LINGO2: variants seen among roughly 807,000 people sequenced by gnomAD.
LINGO2 encodes leucine-rich repeat and immunoglobulin-like domain-containing nogo receptor-interacting protein 2.
LINGO2 carries 14 observed loss-of-function variants against 30.6 expected under a neutral mutation model. The observed-to-expected ratio is 0.46, with a 90% CI of 0.30 to 0.72. The LOEUF is 0.72. Ranked by LOEUF, LINGO2 falls within the 30% of genes least tolerant of loss-of-function variation. The pLI is 0.07. For synonymous variants in LINGO2, 317 were observed against 288.5 expected, an observed-to-expected ratio of 1.10 and a Z score of -1.00; for missense variants, 729 against 751.7, an observed-to-expected ratio of 0.97 and a Z score of 0.35.
At chr9:28,579,876 A>T (rs1217269316) in intron 1 of LINGO2, among the ~76,000 whole-genome samples, 2 of 152,124 alleles carry the variant, frequency 1.3e-5, no homozygotes, top group African/African-American at 4.8e-5. Flanking sequence ...TCCTGTCAAG[A>T]ATCAATCAGT....
At chr9:28,932,152 T>TAAAATAAAATAAAATAAAAG in the LINGO2 span, among the ~76,000 whole-genome samples, 1 of 124,618 alleles carries the variant, frequency 8.0e-6, no homozygotes, top group Non-Finnish European at 1.7e-5. Context: ...TAAAATAAAA[T>TAAAATAAAATAAAATAAAAG]GAAAGGCAGT....
intron 2 of LINGO2, among the ~76,000 whole-genome samples, chr9:28,424,750 T>C (rs1391784057): frequency 1.3e-5 from 2 of 152,150 alleles, no homozygotes; most frequent in Non-Finnish European, 2.9e-5. Context: ...TTTTATACTC[T>C]GTTTAGCCAG....
intron 2 of LINGO2, among the ~76,000 whole-genome samples, chr9:28,429,834 C>G (rs1767997496): frequency 6.6e-6 from 1 of 151,800 alleles, no homozygotes; most frequent in African/African-American, 2.4e-5. Context: ...AATTGAGAAG[C>G]AGGAAAAAAG....
chr9:29,097,115 T>C, the LINGO2 span, among the ~76,000 whole-genome samples: 1 of 138,794 alleles, frequency 7.2e-6, no homozygotes, highest in East Asian at 2.5e-4. Flanking sequence ...AAAATATGTA[T>C]TTAATAAGAA....
At chr9:28,264,585 G>A (rs1336097280) in intron 4 of LINGO2, among the ~76,000 whole-genome samples, 2 of 151,762 alleles carry the variant, frequency 1.3e-5, no homozygotes, top group African/African-American at 2.4e-5. Flanking sequence ...ACCACTTCCC[G>A]AATCATCTCA....
chr9:28,340,259 T>A (rs570299116), intron 3 of LINGO2, among the ~76,000 whole-genome samples: 6 of 152,296 alleles, frequency 3.9e-5, no homozygotes, highest in Admixed American at 2.0e-4. Context: ...AGTATGAAGA[T>A]TATATTAGAT....
chr9:28,237,116 G>GT (rs1821596481), intron 4 of LINGO2, among the ~76,000 whole-genome samples: 1 of 58,202 alleles, frequency 1.7e-5, no homozygotes, highest in African/African-American at 6.3e-5. Flanking sequence ...GTTAAACAGT[G>GT]CGGGGGGGGG....
chr9:27,989,738 C>T (rs1821303507), intron 5 of LINGO2, among the ~76,000 whole-genome samples: 1 of 151,992 alleles, frequency 6.6e-6, no homozygotes, highest in African/African-American at 2.4e-5. Flanking sequence ...CCATTTAGTT[C>T]TCACCCCAAC....
intron 4 of LINGO2, among the ~76,000 whole-genome samples, chr9:28,186,468 C>A (rs1235040850): frequency 6.6e-6 from 1 of 152,098 alleles, no homozygotes; most frequent in African/African-American, 2.4e-5. Flanking sequence ...GCAAAGATCT[C>A]TGTTTTCACA....
At position 28,542,896 on chromosome 9, in the gene LINGO2, C is replaced by T. The variant is rs1398135542; in HGVS notation, c.-364-66871G>A. 2.6e-5 allele frequency among the ~76,000 whole-genome samples: 4 copies of T among 151,932 alleles called. No individual in the cohort carries two copies. The East Asian group carries it at 5.8e-4, about 22-fold the overall frequency. The stretch of plus-strand genomic sequence containing the variant: ...AGTAAACTCTGTTACATGCCACACT[C>T]CCGTAATTCAGGGTCTGAAAGAAGA... On this transcript the variant is annotated intron_variant, in intron 1 of 5. Transcript: ENST00000379992.
the LINGO2 span, among the ~76,000 whole-genome samples, chr9:29,006,185 A>C: frequency 5.3e-5 from 8 of 151,820 alleles, no homozygotes; most frequent in African/African-American, 1.9e-4. Context: ...AATTACACAC[A>C]AACATATAAA....
chr9:29,080,982 A>T, the LINGO2 span, among the ~76,000 whole-genome samples: 1 of 152,112 alleles, frequency 6.6e-6, no homozygotes, highest in East Asian at 1.9e-4. Flanking sequence ...TGCTCAGCCA[A>T]ATTCTACCAG....
At chr9:28,461,651 T>C (rs1046792815) in intron 2 of LINGO2, among the ~76,000 whole-genome samples, 1 of 152,272 alleles carries the variant, frequency 6.6e-6, no homozygotes, top group Admixed American at 6.5e-5. Context: ...CTTAGCACAG[T>C]CTGTGAATCA....
In LINGO2 at chr9:28,313,128, TACAG is replaced by T. The variant is rs144969643; in HGVS notation, c.-245-17766_-245-17763del. On this transcript the variant is annotated intron_variant, in intron 3 of 5. Transcript: ENST00000379992. ...GTTTAATCACTCATTTCCTATATCG[TACAG>T]ACAGTTTTGTAACGAGACTACATAA... 0.016 allele frequency among the ~76,000 whole-genome samples: 2,382 copies of T among 152,192 alleles called. 134 individuals are homozygous for T. In the East Asian group the frequency reaches 0.18, roughly 12 times the overall value.
the LINGO2 span, among the ~76,000 whole-genome samples, chr9:28,952,129 C>G: frequency 6.6e-6 from 1 of 152,120 alleles, no homozygotes; most frequent in Middle Eastern, 3.4e-3. Flanking sequence ...AGACCCACAA[C>G]AGTAGGTGGC....
At chr9:28,820,461 G>A in the LINGO2 span, among the ~76,000 whole-genome samples, 4 of 152,170 alleles carry the variant, frequency 2.6e-5, no homozygotes, top group East Asian at 1.9e-4. Flanking sequence ...AAAGCAACAT[G>A]TCATGTAATC....
At chr9:27,941,066 T>C in the LINGO2 span, 1 of 152,228 alleles carries the variant, frequency 6.6e-6, no homozygotes, top group African/African-American at 2.4e-5. Context: ...GATGTGACTC[T>C]GACCAGAGCA....
At chr9:28,765,840 T>C in the LINGO2 span, among the ~76,000 whole-genome samples, 2 of 151,844 alleles carry the variant, frequency 1.3e-5, no homozygotes, top group East Asian at 1.9e-4. Flanking sequence ...AAATACATGA[T>C]GGGAAAAGGA....
intron 1 of LINGO2, among the ~76,000 whole-genome samples, chr9:28,642,274 G>A (rs1476061056): frequency 2.0e-5 from 3 of 151,938 alleles, no homozygotes; most frequent in African/African-American, 4.8e-5. Context: ...AACATATTCT[G>A]CTAAAACTTT....
Sources: gnomAD v4.1 joint callset for allele counts (sites outside exome capture counted in the v4.1 genomes callset) on GRCh38, gnomAD v4.1.1 for gene constraint, MANE v1.5 for transcripts, NCBI Gene and HGNC (gene_info 2026-07-23, HGNC 2026-07-21) for gene names.